Variants in TNKS observed in about 807,000 individuals in gnomAD.
The protein encoded by TNKS is poly [ADP-ribose] polymerase tankyrase-1.
In TNKS, 72 loss-of-function variants were observed where a neutral mutation model predicts 135.8. That is an observed-to-expected ratio of 0.53 (90% CI 0.44 to 0.64). The LOEUF (loss-of-function observed/expected upper bound fraction) is 0.64. Ranked by LOEUF, TNKS falls within the 30% of genes least tolerant of loss-of-function variation. The pLI, the probability that TNKS is intolerant of heterozygous loss-of-function variation, is 0.00. For synonymous variants in TNKS, 849 were observed against 649.3 expected (o/e 1.31, Z -4.68); for missense variants, 1,769 against 1,674.0 (o/e 1.06, Z -0.99).
chr8:9,750,677 A>G (rs774375047), intron 18 of TNKS, among the ~76,000 whole-genome samples: 4 of 152,200 alleles, frequency 2.6e-5, no homozygotes, highest in African/African-American at 4.8e-5. Context: ...ACTTCCAGGT[A>G]CTGGTGTGCA....
intron 2 of TNKS, among the ~76,000 whole-genome samples, chr8:9,595,067 C>A (rs959004535): frequency 9.2e-5 from 14 of 151,966 alleles, no homozygotes; most frequent in African/African-American, 3.4e-4. Flanking sequence ...CCTTTTCCTG[C>A]CAGAATACTT....
At chr8:9,709,656 C>T (rs1400935621) in intron 9 of TNKS, among the ~76,000 whole-genome samples, 2 of 152,068 alleles carry the variant, frequency 1.3e-5, no homozygotes, top group African/African-American at 4.8e-5. Context: ...CAGAGGCATA[C>T]GTATTATGAT....
intron 1 of TNKS, among the ~76,000 whole-genome samples, chr8:9,567,412 C>CTTAT (rs1206718969): frequency 6.6e-6 from 1 of 152,042 alleles, no homozygotes; most frequent in Admixed American, 6.5e-5. Context: ...CAACTGCTTT[C>CTTAT]TTATTTATTT....
intron 11 of TNKS, among the ~76,000 whole-genome samples, chr8:9,715,371 G>T (rs2128810811): frequency 6.8e-6 from 1 of 146,952 alleles, no homozygotes; most frequent in South Asian, 2.2e-4. Context: ...GGGGGGGCGG[G>T]TATGATCATC....
At chr8:9,688,060 T>C (rs10081478) in intron 5 of TNKS, among the ~76,000 whole-genome samples, 1 of 151,984 alleles carries the variant, frequency 6.6e-6, no homozygotes, top group Non-Finnish European at 1.5e-5. Flanking sequence ...CGATGTCCCA[T>C]TTCTCCAACT....
intron 12 of TNKS, among the ~76,000 whole-genome samples, chr8:9,722,169 C>T (rs572608445): frequency 4.5e-4 from 69 of 151,774 alleles, no homozygotes; most frequent in African/African-American, 1.5e-3. Flanking sequence ...AGATTGGACA[C>T]AACTATATTA....
intron 17 of TNKS, among the ~76,000 whole-genome samples, chr8:9,742,793 T>C (rs556952202): frequency 6.7e-6 from 1 of 149,872 alleles, no homozygotes; most frequent in East Asian, 1.9e-4. Context: ...TATATACTTA[T>C]ATATTTAAGG....
chr8:9,637,214 C>G (rs1165513922), intron 3 of TNKS, among the ~76,000 whole-genome samples: 3 of 152,128 alleles, frequency 2.0e-5, no homozygotes, highest in Non-Finnish European at 4.4e-5. Flanking sequence ...ATAAGGAATG[C>G]TTTTCAAGTG....
intron 11 of TNKS, among the ~76,000 whole-genome samples, chr8:9,712,661 G>T (rs1407524179): frequency 6.6e-6 from 1 of 151,912 alleles, no homozygotes; most frequent in African/African-American, 2.4e-5. Flanking sequence ...AGACTGAGGT[G>T]GGAGGATCGC....
At chr8:9,660,129 T>G (rs1354214597) in intron 3 of TNKS, among the ~76,000 whole-genome samples, 1 of 152,062 alleles carries the variant, frequency 6.6e-6, no homozygotes, top group Admixed American at 6.5e-5. Context: ...CAGGACCAGA[T>G]GGATTCACAG....
intron 3 of TNKS, among the ~76,000 whole-genome samples, chr8:9,637,609 CA>C (rs1237685744): frequency 2.6e-5 from 4 of 152,256 alleles, no homozygotes; most frequent in South Asian, 4.2e-4. Context: ...CAATGACAGA[CA>C]GCAATGGGAC....
chr8:9,760,757 C>T (rs1022112187), intron 20 of TNKS, among the ~76,000 whole-genome samples: 1 of 152,224 alleles, frequency 6.6e-6, no homozygotes, highest in Admixed American at 6.5e-5. Context: ...TTTGAGCCAA[C>T]TAATCATCTC....
chr8:9,576,257 T>G (rs1797940006), intron 1 of TNKS, among the ~76,000 whole-genome samples: 1 of 152,126 alleles, frequency 6.6e-6, no homozygotes, highest in African/African-American at 2.4e-5. Context: ...AGTGTATTAG[T>G]CCATTCTCAC....
chr8:9,775,642 C>A (rs1808193129), intron 26 of TNKS, among the ~76,000 whole-genome samples: 1 of 151,342 alleles, frequency 6.6e-6, no homozygotes, highest in Non-Finnish European at 1.5e-5. Flanking sequence ...CAGACCTATT[C>A]TAAGACTTTT....
At chr8:9,575,807 A>G (rs984273155) in intron 1 of TNKS, among the ~76,000 whole-genome samples, 2 of 152,250 alleles carry the variant, frequency 1.3e-5, no homozygotes. Context: ...CATGGATTTA[A>G]CTATGAGTAT....
chr8:9,560,681 T>C (rs1480318767), intron 1 of TNKS, among the ~76,000 whole-genome samples: 2 of 151,928 alleles, frequency 1.3e-5, no homozygotes, highest in Non-Finnish European at 2.9e-5. Context: ...AGATCCTTTA[T>C]ATTACTTGTA....
In TNKS at chr8:9,561,910, C is replaced by T. The variant is rs192006209; in HGVS notation, c.673+5298C>T. On this transcript the variant is annotated intron_variant, in intron 1 of 26. Coordinates refer to ENST00000310430, the MANE Select transcript of TNKS (RefSeq NM_003747.3). ...TGGCTCACTGCAACCTCTGCCTCCT[C>T]GGTTCAAGCGATTCTCCTGCCTCAG... is the stretch of plus-strand genomic sequence containing the variant. 4.3e-4 allele frequency among the ~76,000 whole-genome samples: 66 copies of T among 152,038 alleles called. No homozygotes were observed. The South Asian group carries it at 1.0e-2, about 23-fold the overall frequency.
At chr8:9,613,121 G>A (rs1304742473) in intron 2 of TNKS, among the ~76,000 whole-genome samples, 3 of 152,160 alleles carry the variant, frequency 2.0e-5, no homozygotes, top group African/African-American at 7.2e-5. Flanking sequence ...GACTGATGCA[G>A]TTCAAACTTG....
intron 20 of TNKS, among the ~76,000 whole-genome samples, chr8:9,754,358 C>G (rs377263413): frequency 6.6e-6 from 1 of 152,110 alleles, no homozygotes; most frequent in Non-Finnish European, 1.5e-5. Flanking sequence ...TTCAATTATT[C>G]TTTATATGAC....
Sources: gnomAD v4.1 joint callset for allele counts (sites outside exome capture counted in the v4.1 genomes callset) on GRCh38, gnomAD v4.1.1 for gene constraint, MANE v1.5 for transcripts, NCBI Gene and HGNC (gene_info 2026-07-23, HGNC 2026-07-21) for gene names.